Variants in ATP2A2 observed in about 807,000 individuals in gnomAD.
The protein encoded by ATP2A2 is ATPase sarcoplasmic/endoplasmic reticulum Ca2+ transporting 2.
Under a neutral mutation model 109.3 loss-of-function variants are expected in ATP2A2, and 14 were observed. The ratio of observed to expected loss-of-function variants is 0.13; its 90% CI spans 0.08 to 0.20. The LOEUF is 0.20. ATP2A2 is among the 10% of genes least tolerant of loss of function. ATP2A2 has a pLI of 1.00. For synonymous variants in ATP2A2, 506 were observed against 490.9 expected (o/e 1.03, Z -0.41); for missense variants, 657 against 1,321.6 (o/e 0.50, Z 7.80).
Position 110,339,028 on chromosome 12 carries a change from A to C in ATP2A2, c.1420-253A>C, listed in dbSNP as rs557867041. On this transcript the variant is annotated intron_variant, in intron 11 of 19. Coordinates refer to ENST00000539276, the MANE Select transcript of ATP2A2 (RefSeq NM_170665.4). This position sits in a 1 kb window ranked among gnomAD's most constrained non-coding sequence, Gnocchi z 4.4. ...AATGTCACCGCCTTCTGGCCACTTT[A>C]TGTAACAGTTCATATGTATGTATGC... Among the ~76,000 whole-genome samples, 1 of 152,140 alleles carries C rather than the reference A, an allele frequency of 6.6e-6. No individual in the cohort carries two copies. Among genetic ancestry groups the C allele is most frequent in the Non-Finnish European group, 1.5e-5 (1 of 68,026 alleles).
At chr12:110,303,430 T>A (rs574557734) in intron 5 of ATP2A2, among the ~76,000 whole-genome samples, 1 of 151,622 alleles carries the variant, frequency 6.6e-6, no homozygotes, top group Non-Finnish European at 1.5e-5. Flanking sequence ...TTGTTTGTTT[T>A]GAGACGAGTC....
chr12:110,310,982 T>C (rs371812327), intron 5 of ATP2A2, among the ~76,000 whole-genome samples: 120 of 152,336 alleles, frequency 7.9e-4, no homozygotes, highest in African/African-American at 2.8e-3. Flanking sequence ...CTGCATGACA[T>C]TGGACTATGT....
intron 5 of ATP2A2, among the ~76,000 whole-genome samples, chr12:110,318,644 T>A (rs1401582565): frequency 3.3e-5 from 5 of 152,152 alleles, no homozygotes; most frequent in Non-Finnish European, 1.5e-5. Flanking sequence ...CGGCTAATTT[T>A]TGTATTTTTA....
chr12:110,325,620 T>C (rs1592843161), intron 6 of ATP2A2, among the ~76,000 whole-genome samples: 1 of 145,912 alleles, frequency 6.9e-6, no homozygotes, highest in African/African-American at 2.5e-5. Flanking sequence ...AAAGCAAGAC[T>C]CCGTCTCAAA....
intron 8 of ATP2A2, among the ~76,000 whole-genome samples, chr12:110,329,194 A>G (rs1230324585): frequency 6.6e-6 from 1 of 152,208 alleles, no homozygotes. Context: ...AATATTATAA[A>G]TGATATGTAA....
At chr12:110,337,536 G>A (rs1414315955) in intron 11 of ATP2A2, among the ~76,000 whole-genome samples, 2 of 152,236 alleles carry the variant, frequency 1.3e-5, no homozygotes, top group African/African-American at 2.4e-5. Flanking sequence ...TGCCTGAGAC[G>A]GTTCAGTGGC....
chr12:110,297,606 G>GT (rs1304801991), intron 5 of ATP2A2, among the ~76,000 whole-genome samples: 4 of 151,712 alleles, frequency 2.6e-5, no homozygotes, highest in South Asian at 4.2e-4. Flanking sequence ...GATTAGTGCT[G>GT]TTTTTTTGTT....
chr12:110,306,403 A>T (rs936080609), intron 5 of ATP2A2, among the ~76,000 whole-genome samples: 1 of 152,114 alleles, frequency 6.6e-6, no homozygotes, highest in Non-Finnish European at 1.5e-5. Context: ...TGTTATGTGG[A>T]TTTAATGTGT....
intron 8 of ATP2A2, chr12:110,330,735 A>G (rs1421956718): frequency 1.3e-5 from 2 of 152,240 alleles, no homozygotes; most frequent in Non-Finnish European, 2.9e-5. Flanking sequence ...TCTACCTCAC[A>G]ACAGGAAGCT....
Position 110,343,261 on chromosome 12 carries a change from C to A in ATP2A2, c.2348C>A (p.Pro783His). The A allele has an allele frequency of 6.2e-7, 1 of 1,614,092 alleles. No individual in the cohort carries two copies. Among genetic ancestry groups the A allele is most frequent in the Non-Finnish European group, 8.5e-7 (1 of 1,180,030 alleles). Residue 783 changes from proline to histidine, a missense_variant, in exon 16 of 20, where the codon CCC becomes CAC. By Grantham distance (77) the Pro-to-His change is moderately conservative (BLOSUM62 -2). Transcript: ENST00000539276. Reference protein sequence around the residue: ...CIFLTAALGFPEALIPVQLLW... With the variant: ...CIFLTAALGFHEALIPVQLLW... ...TTCCTGACAGCAGCCCTTGGATTTC[C>A]CGAGGCTTTGATTCCTGTTCAGCTG... is the stretch of plus-strand genomic sequence containing the variant.
intron 6 of ATP2A2, among the ~76,000 whole-genome samples, chr12:110,323,958 T>C (rs1877508828): frequency 6.6e-6 from 1 of 152,206 alleles, no homozygotes; most frequent in South Asian, 2.1e-4. Flanking sequence ...GTTGTATCAA[T>C]CTTTACAGTA....
intron 4 of ATP2A2, among the ~76,000 whole-genome samples, chr12:110,292,587 C>T (rs1358047038): frequency 6.6e-6 from 1 of 152,032 alleles, no homozygotes; most frequent in African/African-American, 2.4e-5. Flanking sequence ...TAATTAATTG[C>T]AAATTTTTGA....
chr12:110,348,529 C>G lies in ATP2A2; in HGVS notation c.*2059C>G, dbSNP rs1011867051. The G allele has an allele frequency of 1.0e-6, 1 of 985,382 alleles. No homozygotes were observed. The highest frequency in any genetic ancestry group is 1.2e-6 in the Non-Finnish European group (1 of 830,054). The allele number at this position is 985,382 out of a possible 1,614,324, so 61.0% of individuals were successfully genotyped here. ...AAGGTGCTGCTGAGTTCAGAGGGCCCACGTTCAAGGGATGGAGGTGGAACC... is the reference window on the plus strand; with the variant it reads ...AAGGTGCTGCTGAGTTCAGAGGGCCGACGTTCAAGGGATGGAGGTGGAACC... On this transcript the variant is annotated 3_prime_UTR_variant, in exon 20 of 20. Transcript: ENST00000539276.
At position 110,296,581 on chromosome 12, in the gene ATP2A2, C is replaced by G; in HGVS notation, c.325-18C>G. ...TGTCAGGCAGGTCTTTACTACTCTT[C>G]TGTTTTCTTTTATACAGGAAAGAAA... On this transcript the variant is annotated intron_variant, in intron 4 of 19. Transcript: ENST00000539276. 1 of 1,614,022 alleles carries G rather than the reference C, an allele frequency of 6.2e-7. No individual in the cohort carries two copies. Among genetic ancestry groups the G allele is most frequent in the Non-Finnish European group, 8.5e-7 (1 of 1,179,972 alleles).
chr12:110,350,178 A>G lies in ATP2A2; in HGVS notation c.*3708A>G. The G allele has an allele frequency of 2.5e-6, 4 of 1,603,860 alleles. No individual in the cohort carries two copies. Among genetic ancestry groups the G allele is most frequent in the Non-Finnish European group, 3.4e-6 (4 of 1,175,116 alleles). ...CTGGTCTTGAAACCTTGAAAAGATC[A>G]AGCTGAATGTTCCTTTTCATCTGTC... On this transcript the variant is annotated 3_prime_UTR_variant, in exon 20 of 20. Transcript: ENST00000539276.
At chr12:110,345,674 C>G in intron 18 of ATP2A2, 1 of 573,558 alleles carries the variant, frequency 1.7e-6, no homozygotes, top group Non-Finnish European at 3.1e-6. Context: ...GAACCTCACC[C>G]TTTCACACAG....
At chr12:110,335,923 G>A (rs1878797543) in intron 11 of ATP2A2, among the ~76,000 whole-genome samples, 1 of 152,202 alleles carries the variant, frequency 6.6e-6, no homozygotes, top group South Asian at 2.1e-4. Context: ...TGGCAGACAG[G>A]GTGATTGCTT....
intron 11 of ATP2A2, 86 bp downstream of exon 11, chr12:110,334,229 G>C: frequency 6.6e-7 from 1 of 1,518,716 alleles, no homozygotes. Context: ...TACTCTCTTA[G>C]AAAACTAATT....
chr12:110,327,777 A>C lies in ATP2A2; in HGVS notation c.855A>C (p.Gly285=), dbSNP rs775164424. The change falls in exon 8 of 20, where the codon GGA becomes GGC. Residue 285 remains glycine (G), a synonymous_variant. Transcript: ENST00000539276. The surrounding 1 kb of genome is among the most constrained non-coding windows in gnomAD (Gnocchi z 4.4). ...NIGHFNDPVH[G]GSWIRGAIYY... is the part of the protein sequence containing the mutation. ...GGCACTTCAATGACCCGGTTCATGG[A>C]GGGTCCTGGATCAGAGGTGCTATTT... The C allele has an allele frequency of 1.3e-5, 21 of 1,614,104 alleles. No individual in the cohort carries two copies. In the East Asian group the frequency reaches 2.9e-4, roughly 22 times the overall value.
Sources: gnomAD v4.1 joint callset for allele counts (sites outside exome capture counted in the v4.1 genomes callset) on GRCh38, gnomAD v4.1.1 for gene constraint, Gnocchi (gnomAD v3.1) non-coding constraint, MANE v1.5 for transcripts, NCBI Gene and HGNC (gene_info 2026-07-23, HGNC 2026-07-21) for gene names.